Variants in DYTN observed in about 807,000 individuals in gnomAD.
DYTN encodes the protein dystrotelin.
In DYTN, 75 loss-of-function variants were observed where a neutral mutation model predicts 69.6. The observed-to-expected ratio is 1.08, with a 90% CI of 0.89 to 1.31. The LOEUF (loss-of-function observed/expected upper bound fraction) is 1.31. Among genes scored for constraint, DYTN ranks in the 50% most tolerant of loss-of-function variants. The pLI is 0.00. For synonymous variants in DYTN, 252 were observed against 249.1 expected, an observed-to-expected ratio of 1.01 and a Z score of -0.11; for missense variants, 726 against 688.4, an observed-to-expected ratio of 1.05 and a Z score of -0.61.
chr2:206,654,045 C>T (rs1172543884), intron 11 of DYTN, among the ~76,000 whole-genome samples: 1 of 152,192 alleles, frequency 6.6e-6, no homozygotes, highest in Non-Finnish European at 1.5e-5. Context: ...GCTTGGCACA[C>T]AACAAATGCT....
intron 11 of DYTN, among the ~76,000 whole-genome samples, chr2:206,656,335 C>T (rs1159554459): frequency 6.6e-6 from 1 of 152,096 alleles, no homozygotes; most frequent in Non-Finnish European, 1.5e-5. Context: ...CATAAAATAT[C>T]TTTTTCCATA....
intron 1 of DYTN, among the ~76,000 whole-genome samples, chr2:206,715,296 A>T (rs567503095): frequency 1.3e-5 from 2 of 152,146 alleles, no homozygotes; most frequent in Non-Finnish European, 2.9e-5. Flanking sequence ...AGGATTTCCC[A>T]GCCTCCTTGG....
At position 206,683,339 on chromosome 2, in the gene DYTN, C is replaced by CTTTT. The variant is rs10531348; in HGVS notation, c.980+9832_980+9835dup. 5.9e-4 allele frequency among the ~76,000 whole-genome samples: 66 copies of CTTTT among 111,938 alleles called. 2 individuals are homozygous for CTTTT. Among genetic ancestry groups the CTTTT allele is most frequent in the Non-Finnish European group, 9.2e-4 (50 of 54,298 alleles). 73.4% of individuals were successfully genotyped at this position (111,938 alleles called of 152,430 possible). A position where few individuals can be genotyped will look rare whatever the true frequency, so the allele number is the denominator to read the frequency against. On this transcript the variant is annotated intron_variant, in intron 9 of 11. Transcript: ENST00000452335. ...TCCTCACCTCTTCTTTTTACTTTTT[C>CTTTT]TTTTTTTTTTTTTTTTTTTTTTGAG...
At chr2:206,692,487 T>C (rs1699875933) in intron 9 of DYTN, among the ~76,000 whole-genome samples, 1 of 152,220 alleles carries the variant, frequency 6.6e-6, no homozygotes, top group Non-Finnish European at 1.5e-5. Context: ...CAATTTTTTA[T>C]TCAATGATTT....
intron 9 of DYTN, among the ~76,000 whole-genome samples, chr2:206,683,338 TC>T (rs1169395567): frequency 5.9e-5 from 8 of 134,930 alleles, no homozygotes; most frequent in South Asian, 4.8e-4. Context: ...TTTTACTTTT[TC>T]TTTTTTTTTT....
intron 1 of DYTN, among the ~76,000 whole-genome samples, chr2:206,713,047 T>A (rs1323029106): frequency 6.6e-6 from 1 of 152,226 alleles, no homozygotes; most frequent in Non-Finnish European, 1.5e-5. Context: ...GAGAAACCGC[T>A]TCCTGGTGAC....
At chr2:206,686,042 G>T (rs79659907) in intron 9 of DYTN, among the ~76,000 whole-genome samples, 1,635 of 151,214 alleles carry the variant, frequency 0.011, 37 homozygotes, top group African/African-American at 0.038. Flanking sequence ...ATTCTTCCTT[G>T]GAGGGTATCT....
intron 9 of DYTN, among the ~76,000 whole-genome samples, chr2:206,682,187 T>C (rs537095324): frequency 6.6e-6 from 1 of 152,334 alleles, no homozygotes; most frequent in South Asian, 2.1e-4. Context: ...CAGTATTCTC[T>C]GATGGTAGAT....
intron 8 of DYTN, among the ~76,000 whole-genome samples, chr2:206,694,030 T>G (rs1699892610): frequency 6.6e-6 from 1 of 152,218 alleles, no homozygotes; most frequent in Non-Finnish European, 1.5e-5. Context: ...GAGGGAAAAC[T>G]ATCCTTGGCA....
At chr2:206,715,150 G>A (rs1700115040) in intron 1 of DYTN, among the ~76,000 whole-genome samples, 1 of 152,054 alleles carries the variant, frequency 6.6e-6, no homozygotes, top group African/African-American at 2.4e-5. Flanking sequence ...AGAAACAGGT[G>A]GGAATCAGGG....
In DYTN at chr2:206,700,142, C is replaced by T. The variant is rs777612030; in HGVS notation, c.555+3G>A. ...ACTCCAGGGACATTTGCAAGGCACT[C>T]ACCCCTTGGAAACAGCTGCGGGTGG... is the stretch of plus-strand genomic sequence containing the variant. On this transcript the variant is annotated splice_donor_region_variant and intron_variant, in intron 6 of 11. Coordinates refer to ENST00000452335, the MANE Select transcript of DYTN (RefSeq NM_001093730.1). 1 of 1,613,924 alleles carries T rather than the reference C, an allele frequency of 6.2e-7. No homozygotes were observed. Among genetic ancestry groups the T allele is most frequent in the East Asian group, 2.2e-5 (1 of 44,882 alleles).
intron 9 of DYTN, among the ~76,000 whole-genome samples, chr2:206,691,337 T>C (rs1699860353): frequency 6.6e-6 from 1 of 151,926 alleles, no homozygotes; most frequent in African/African-American, 2.4e-5. Context: ...TGCTTGAACC[T>C]AGAAGGCAGA....
intron 11 of DYTN, among the ~76,000 whole-genome samples, chr2:206,653,113 G>C (rs1175646656): frequency 6.6e-6 from 1 of 152,090 alleles, no homozygotes; most frequent in Non-Finnish European, 1.5e-5. Context: ...TACCGCTCCA[G>C]AGGACCTTGA....
At chr2:206,695,842 A>G (rs1176330745) in intron 7 of DYTN, among the ~76,000 whole-genome samples, 2 of 152,228 alleles carry the variant, frequency 1.3e-5, no homozygotes, top group Non-Finnish European at 2.9e-5. Flanking sequence ...TAGACTGGAC[A>G]TACAGTTCTG....
chr2:206,695,940 T>A (rs1195267048), intron 7 of DYTN, among the ~76,000 whole-genome samples: 1 of 152,186 alleles, frequency 6.6e-6, no homozygotes, highest in East Asian at 1.9e-4. Flanking sequence ...ACACCTCTCT[T>A]AAGGTTACAA....
chr2:206,703,145 T>C (rs1386117150), intron 5 of DYTN, among the ~76,000 whole-genome samples: 1 of 152,178 alleles, frequency 6.6e-6, no homozygotes, highest in African/African-American at 2.4e-5. Context: ...CAGCAGCTCA[T>C]TGACCTCATT....
chr2:206,654,054 C>T (rs1379052476), intron 11 of DYTN, among the ~76,000 whole-genome samples: 1 of 152,170 alleles, frequency 6.6e-6, no homozygotes, highest in African/African-American at 2.4e-5. Context: ...ACAACAAATG[C>T]TTGATTAATA....
At chr2:206,655,873 A>G (rs1216486223) in intron 11 of DYTN, among the ~76,000 whole-genome samples, 1 of 152,146 alleles carries the variant, frequency 6.6e-6, no homozygotes, top group East Asian at 1.9e-4. Flanking sequence ...CAATGTTCTT[A>G]AATTTGTTAA....
chr2:206,704,415 G>C (rs1700005174), intron 5 of DYTN, among the ~76,000 whole-genome samples: 1 of 152,106 alleles, frequency 6.6e-6, no homozygotes, highest in Non-Finnish European at 1.5e-5. Flanking sequence ...ATGTAGGAGT[G>C]AAAAAGGTAT....
Sources: allele counts gnomAD v4.1 joint callset (sites outside exome capture counted in the v4.1 genomes callset), GRCh38; gene constraint gnomAD v4.1.1; transcripts MANE v1.5; gene names NCBI Gene and HGNC (gene_info 2026-07-23, HGNC 2026-07-21).